CLVS1: variants seen among roughly 807,000 people sequenced by gnomAD.
The protein encoded by CLVS1 is clavesin-1.
Under a neutral mutation model 33.1 loss-of-function variants are expected in CLVS1, and 10 were observed. The observed-to-expected ratio is 0.30, with a 90% CI of 0.19 to 0.51. The LOEUF (loss-of-function observed/expected upper bound fraction) is 0.51, where lower values mean the gene tolerates loss of function less well. CLVS1 is among the 20% of genes least tolerant of loss of function. The probability of loss-of-function intolerance (pLI) is 0.97; values close to 1 mark genes in which losing one functional copy is unlikely to be tolerated. For synonymous variants in CLVS1, 163 were observed against 166.1 expected, an observed-to-expected ratio of 0.98 and a Z score of 0.14; for missense variants, 343 against 433.4, an observed-to-expected ratio of 0.79 and a Z score of 1.85.
the CLVS1 span, among the ~76,000 whole-genome samples, chr8:60,982,332 G>C: frequency 6.6e-6 from 1 of 152,212 alleles, no homozygotes; most frequent in African/African-American, 2.4e-5. Flanking sequence ...GGTTATTGTT[G>C]AGGGAATGAA....
At chr8:60,980,760 T>A in the CLVS1 span, among the ~76,000 whole-genome samples, 17,522 of 152,176 alleles carry the variant, frequency 0.12, 1,547 homozygotes, top group East Asian at 0.4. Context: ...CACTCCAGCC[T>A]GGGTGACAGA....
At chr8:60,968,514 C>CAA in the CLVS1 span, among the ~76,000 whole-genome samples, 37 of 128,172 alleles carry the variant, frequency 2.9e-4, no homozygotes, top group African/African-American at 2.9e-4. Context: ...GACTCCGTTT[C>CAA]AAAAAAAAAA....
At chr8:61,165,829 C>T (rs1390932527) in intron 2 of CLVS1, among the ~76,000 whole-genome samples, 2 of 152,222 alleles carry the variant, frequency 1.3e-5, no homozygotes, top group African/African-American at 2.4e-5. Context: ...AAATAACTTA[C>T]AGAGTTTGAC....
At chr8:61,124,125 A>G (rs546193589) in intron 1 of CLVS1, among the ~76,000 whole-genome samples, 13 of 152,346 alleles carry the variant, frequency 8.5e-5, no homozygotes, top group African/African-American at 2.9e-4. Context: ...TAAGTTACCC[A>G]TGGTTTTGGA....
intron 2 of CLVS1, among the ~76,000 whole-genome samples, chr8:61,306,115 C>T (rs1810617977): frequency 6.6e-6 from 1 of 152,210 alleles, no homozygotes; most frequent in African/African-American, 2.4e-5. Flanking sequence ...AACTGTGACA[C>T]TGTTTTCCAC....
At chr8:61,173,194 G>C (rs752885908) in intron 2 of CLVS1, among the ~76,000 whole-genome samples, 1 of 152,128 alleles carries the variant, frequency 6.6e-6, no homozygotes, top group South Asian at 2.1e-4. Context: ...GGTATTAGTG[G>C]CTTTGGTGCA....
chr8:61,147,717 T>C (rs897921576), intron 2 of CLVS1, among the ~76,000 whole-genome samples: 2 of 152,224 alleles, frequency 1.3e-5, no homozygotes, highest in South Asian at 4.1e-4. Context: ...AAGAATTTTA[T>C]TGGAAATGAT....
At chr8:61,075,359 C>A (rs1804891666) in intron 1 of CLVS1, among the ~76,000 whole-genome samples, 1 of 152,192 alleles carries the variant, frequency 6.6e-6, no homozygotes, top group Admixed American at 6.5e-5. Flanking sequence ...GATCAGCAAG[C>A]ACCCCCAAGT....
At chr8:61,490,827 G>T (rs571191165) in intron 5 of CLVS1, among the ~76,000 whole-genome samples, 2 of 151,320 alleles carry the variant, frequency 1.3e-5, no homozygotes, top group Non-Finnish European at 2.9e-5. Context: ...GCGTGGTGGC[G>T]GGTGCCTGTA....
chr8:61,125,409 T>G (rs1039774793), intron 1 of CLVS1, among the ~76,000 whole-genome samples: 2 of 152,124 alleles, frequency 1.3e-5, no homozygotes, highest in African/African-American at 4.8e-5. Flanking sequence ...CCATAAGGGG[T>G]TACTCAAAAC....
At chr8:60,988,772 A>C in the CLVS1 span, among the ~76,000 whole-genome samples, 1 of 152,230 alleles carries the variant, frequency 6.6e-6, no homozygotes, top group African/African-American at 2.4e-5. Context: ...GTATGCCTTA[A>C]AACTTGCCAT....
chr8:61,085,308 C>T (rs191906214), intron 1 of CLVS1, among the ~76,000 whole-genome samples: 41 of 152,168 alleles, frequency 2.7e-4, no homozygotes, highest in South Asian at 8.3e-4. Flanking sequence ...ATTACTTTTC[C>T]GCTGTCCCAA....
rs1398646588 is a variant in CLVS1, at chr8:61,326,126, G to A, written c.455+25844G>A. On this transcript the variant is annotated intron_variant, in intron 2 of 5. Transcript: ENST00000325897. ...CTAATAGTCTTTTCACTGCCTTTCA[G>A]CCTTCATTTGCAACACAGAACTAAA... Among the ~76,000 whole-genome samples, 6 of 152,060 alleles carry A rather than the reference G, an allele frequency of 3.9e-5. No individual in the cohort carries two copies. The East Asian group carries it at 1.2e-3, about 29-fold the overall frequency.
chr8:61,432,557 G>A (rs532558918), intron 3 of CLVS1, among the ~76,000 whole-genome samples: 167 of 152,278 alleles, frequency 1.1e-3, no homozygotes, highest in Middle Eastern at 3.4e-3. Flanking sequence ...GAGAGGCCTC[G>A]GAAGAAACTG....
intron 2 of CLVS1, among the ~76,000 whole-genome samples, chr8:61,365,756 TGTGTGTGTGTGTGTGTGTGC>T (rs1293732534): frequency 7.4e-6 from 1 of 135,318 alleles, no homozygotes; most frequent in East Asian, 2.0e-4. Context: ...GTTTACAGGG[TGTGTGTGTGTGTGTGTGTGC>T]GTGTGTGTGT....
chr8:61,044,852 A>G, the CLVS1 span, among the ~76,000 whole-genome samples: 1 of 152,212 alleles, frequency 6.6e-6, no homozygotes, highest in African/African-American at 2.4e-5. Flanking sequence ...AGGGGCATAG[A>G]AAAAGAGGAA....
At chr8:61,369,489 A>G (rs529219357) in intron 2 of CLVS1, among the ~76,000 whole-genome samples, 4 of 152,324 alleles carry the variant, frequency 2.6e-5, no homozygotes, top group African/African-American at 9.6e-5. Context: ...ACAGGCCTAG[A>G]AGAGGAGAAA....
At chr8:61,105,638 G>C (rs974140480) in intron 1 of CLVS1, among the ~76,000 whole-genome samples, 12 of 152,194 alleles carry the variant, frequency 7.9e-5, no homozygotes, top group Non-Finnish European at 1.2e-4. Context: ...TACTTGTAGA[G>C]ACTGTCATTT....
the CLVS1 span, among the ~76,000 whole-genome samples, chr8:61,004,210 C>T: frequency 6.6e-6 from 1 of 152,194 alleles, no homozygotes. Context: ...TAGAAAGCCT[C>T]GGGTGGGTGT....
Sources: allele counts gnomAD v4.1 joint callset (sites outside exome capture counted in the v4.1 genomes callset), GRCh38; gene constraint gnomAD v4.1.1; transcripts MANE v1.5; gene names NCBI Gene and HGNC (gene_info 2026-07-23, HGNC 2026-07-21).